UGGT2: variants seen among roughly 807,000 people sequenced by gnomAD.
The protein encoded by UGGT2 is UDP-glucose:glycoprotein glucosyltransferase 2.
UGGT2 carries 180 observed loss-of-function variants against 192.1 expected under a neutral mutation model. The observed-to-expected ratio is 0.94, with a 90% CI of 0.83 to 1.06. The LOEUF (loss-of-function observed/expected upper bound fraction) is 1.06, where lower values mean the gene tolerates loss of function less well. Ranked by LOEUF, UGGT2 falls within the 50% of genes least tolerant of loss-of-function variation. The pLI is 0.00. For synonymous variants in UGGT2, 580 were observed against 591.0 expected (o/e 0.98, Z 0.27); for missense variants, 1,849 against 1,795.7 (o/e 1.03, Z -0.54).
chr13:95,870,914 C>G (rs1282576092), intron 29 of UGGT2, among the ~76,000 whole-genome samples: 1 of 152,226 alleles, frequency 6.6e-6, no homozygotes, highest in Non-Finnish European at 1.5e-5. Context: ...CTCTCTTGCT[C>G]TCTCTTGTCC....
intron 1 of UGGT2, among the ~76,000 whole-genome samples, chr13:96,048,796 A>G (rs895771505): frequency 1.3e-5 from 2 of 152,238 alleles, no homozygotes; most frequent in African/African-American, 2.4e-5. Context: ...GAAGAAGTTG[A>G]ATCCCTGAAT....
At chr13:95,877,034 C>A in intron 29 of UGGT2, 1 of 338,802 alleles carries the variant, frequency 3.0e-6, no homozygotes, top group Non-Finnish European at 5.3e-6. Context: ...CAGGTGTGCG[C>A]CACCATGTCT....
chr13:95,898,596 T>A (rs918403790), intron 22 of UGGT2, among the ~76,000 whole-genome samples: 1 of 152,166 alleles, frequency 6.6e-6, no homozygotes, highest in African/African-American at 2.4e-5. Flanking sequence ...AAAATTTATG[T>A]TAAAACTGAA....
At chr13:95,905,244 G>T (rs1041263124) in intron 20 of UGGT2, among the ~76,000 whole-genome samples, 24 of 148,496 alleles carry the variant, frequency 1.6e-4, no homozygotes, top group Admixed American at 1.5e-3. Context: ...CATTTTGTAG[G>T]TTGCCTGTTC....
intron 12 of UGGT2, among the ~76,000 whole-genome samples, chr13:95,964,773 A>C (rs2050513855): frequency 6.6e-6 from 1 of 152,226 alleles, no homozygotes; most frequent in African/African-American, 2.4e-5. Context: ...GAGCTTCTGC[A>C]CAGCAAAAGA....
chr13:95,954,482 T>G (rs376816070), intron 12 of UGGT2, among the ~76,000 whole-genome samples: 3 of 152,216 alleles, frequency 2.0e-5, no homozygotes, highest in African/African-American at 7.2e-5. Flanking sequence ...TAAGTCTGAT[T>G]AGAAACATTT....
At chr13:95,840,913 A>G (rs1278535363) in intron 36 of UGGT2, among the ~76,000 whole-genome samples, 1 of 152,212 alleles carries the variant, frequency 6.6e-6, no homozygotes, top group African/African-American at 2.4e-5. Context: ...ATATGGATGA[A>G]GCTGGAAACC....
At chr13:95,818,970 A>C (rs1487813800) in intron 38 of UGGT2, among the ~76,000 whole-genome samples, 4 of 152,134 alleles carry the variant, frequency 2.6e-5, no homozygotes, top group Non-Finnish European at 5.9e-5. Flanking sequence ...CCCATTATAT[A>C]TTACCTTCCC....
At chr13:95,863,279 C>G (rs535241554) in intron 31 of UGGT2, among the ~76,000 whole-genome samples, 38 of 152,134 alleles carry the variant, frequency 2.5e-4, no homozygotes, top group African/African-American at 8.7e-4. Context: ...AGGAACATAC[C>G]CAATCATTTT....
chr13:96,015,788 T>C (rs757288549), intron 4 of UGGT2, among the ~76,000 whole-genome samples: 8 of 152,194 alleles, frequency 5.3e-5, no homozygotes, highest in Non-Finnish European at 1.2e-4. Flanking sequence ...AAGGTAACTA[T>C]GCAAAGATAT....
intron 38 of UGGT2, among the ~76,000 whole-genome samples, chr13:95,825,831 G>T (rs1434379618): frequency 2.6e-5 from 4 of 152,068 alleles, no homozygotes; most frequent in African/African-American, 4.8e-5. Flanking sequence ...GGGACTCAAG[G>T]CCTGTTGTCT....
chr13:95,890,852 A>C lies in UGGT2; in HGVS notation c.2958+10T>G, dbSNP rs45627340. The C allele has an allele frequency of 4.8e-3, 7,586 of 1,593,166 alleles. 27 individuals are homozygous for C. Among genetic ancestry groups the C allele is most frequent in the Non-Finnish European group, 5.8e-3 (6,771 of 1,168,992 alleles). On this transcript the variant is annotated intron_variant, in intron 25 of 38. Coordinates refer to ENST00000376747, the MANE Select transcript of UGGT2 (RefSeq NM_020121.4). Reference sequence around the variant, plus strand: ...AACAAAAACATTTAGTCTAATTTATATTATCTTACAACCAACAACTGTGCC... The same window carrying C: ...AACAAAAACATTTAGTCTAATTTATCTTATCTTACAACCAACAACTGTGCC...
intron 20 of UGGT2, among the ~76,000 whole-genome samples, chr13:95,906,432 G>C (rs1199064331): frequency 6.6e-6 from 1 of 152,070 alleles, no homozygotes; most frequent in Non-Finnish European, 1.5e-5. Context: ...CTGGAGAACA[G>C]AATGTAAAAA....
chr13:95,884,065 CAAAAAAA>C (rs35937679), intron 27 of UGGT2, among the ~76,000 whole-genome samples: 21 of 73,956 alleles, frequency 2.8e-4, no homozygotes, highest in Admixed American at 6.4e-4. Flanking sequence ...GCTGTGAGGC[CAAAAAAA>C]AAAAAAAAAA....
intron 1 of UGGT2, among the ~76,000 whole-genome samples, chr13:96,052,873 T>A (rs1353854201): frequency 6.6e-6 from 1 of 152,090 alleles, no homozygotes; most frequent in Non-Finnish European, 1.5e-5. Context: ...GTGCCACGCG[T>A]AAATGCTAAT....
chr13:96,014,279 ATCAT>A (rs908714975), intron 4 of UGGT2, among the ~76,000 whole-genome samples: 3 of 152,178 alleles, frequency 2.0e-5, no homozygotes, highest in Non-Finnish European at 4.4e-5. Context: ...GATCTCTACA[ATCAT>A]TCAGTCAATT....
In UGGT2 at chr13:95,856,363, AAAC is replaced by A. The variant is rs765239323; in HGVS notation, c.3826-26_3826-24del. The A allele has an allele frequency of 1.3e-5, 20 of 1,590,832 alleles. No homozygotes were observed. In the Admixed American group the frequency reaches 2.3e-4, roughly 19 times the overall value. On this transcript the variant is annotated intron_variant, in intron 33 of 38. Transcript: ENST00000376747. The stretch of plus-strand genomic sequence containing the variant: ...TTCCTAAAAACACACACACAAAATC[AAAC>A]AATATGTTCAAGAGAAAGTAGTTTT...
intron 24 of UGGT2, among the ~76,000 whole-genome samples, chr13:95,893,516 G>T (rs1045105923): frequency 1.3e-5 from 2 of 152,060 alleles, no homozygotes; most frequent in Admixed American, 1.3e-4. Context: ...CATCACTGTG[G>T]CATACTGTAT....
chr13:95,996,036 A>G (rs768423129), intron 7 of UGGT2, 27 bp downstream of exon 7: 1 of 1,597,522 alleles, frequency 6.3e-7, no homozygotes, highest in Non-Finnish European at 8.6e-7. Context: ...GTATAATAAT[A>G]CCAATTTCAT....
Sources: gnomAD v4.1 joint callset for allele counts (sites outside exome capture counted in the v4.1 genomes callset) on GRCh38, gnomAD v4.1.1 for gene constraint, MANE v1.5 for transcripts, NCBI Gene and HGNC (gene_info 2026-07-23, HGNC 2026-07-21) for gene names.